SEC22A: variants seen among roughly 807,000 people sequenced by gnomAD.
SEC22A encodes vesicle-trafficking protein SEC22a.
SEC22A carries 22 observed loss-of-function variants against 35.3 expected under a neutral mutation model. That is an observed-to-expected ratio of 0.62 (90% CI 0.45 to 0.89). SEC22A has a LOEUF of 0.89. Ranked by LOEUF, SEC22A falls within the 40% of genes least tolerant of loss-of-function variation. The pLI is 0.00. For synonymous variants in SEC22A, 119 were observed against 129.5 expected (o/e 0.92, Z 0.55); for missense variants, 354 against 362.5 (o/e 0.98, Z 0.19).
chr3:123,264,876 A>C (rs991763234), intron 6 of SEC22A, among the ~76,000 whole-genome samples: 1 of 151,744 alleles, frequency 6.6e-6, no homozygotes, highest in African/African-American at 2.4e-5. Flanking sequence ...TGAACTCCTG[A>C]TCTCAGGTGA....
At chr3:123,249,934 CAA>C (rs1435438689) in intron 5 of SEC22A, among the ~76,000 whole-genome samples, 3 of 152,162 alleles carry the variant, frequency 2.0e-5, no homozygotes, top group Admixed American at 6.5e-5. Flanking sequence ...AATATGGAAA[CAA>C]GAGTCTCCTA....
At chr3:123,264,236 G>A (rs1220315088) in intron 6 of SEC22A, among the ~76,000 whole-genome samples, 1 of 152,214 alleles carries the variant, frequency 6.6e-6, no homozygotes, top group Non-Finnish European at 1.5e-5. Context: ...GGATATATGA[G>A]TTGTTTTAAA....
intron 6 of SEC22A, among the ~76,000 whole-genome samples, chr3:123,270,040 A>G (rs1053694801): frequency 1.3e-5 from 2 of 152,212 alleles, no homozygotes; most frequent in African/African-American, 2.4e-5. Flanking sequence ...AAAGGACCCT[A>G]GTGGGACAAT....
At position 123,230,770 on chromosome 3, in the gene SEC22A, G is replaced by T. The variant is rs557909420; in HGVS notation, c.541+5473G>T. Among the ~76,000 whole-genome samples, 14 of 144,812 alleles carry T rather than the reference G, an allele frequency of 9.7e-5. 1 individual carries two copies. In the South Asian group the frequency reaches 3.0e-3, roughly 32 times the overall value. ...AAGGCATGAGATGGATAAGAAAAAAGGGAAAAAATGGCAGATGTAAATCTA... is the reference window on the plus strand; with the variant it reads ...AAGGCATGAGATGGATAAGAAAAAATGGAAAAAATGGCAGATGTAAATCTA... On this transcript the variant is annotated intron_variant, in intron 4 of 6. Transcript: ENST00000492595.
rs765045277 is a variant in SEC22A, at chr3:123,225,206, T to A, written c.450T>A (p.Pro150=). The change falls in exon 4 of 7, where the codon CCT becomes CCA. Residue 150 remains proline, a synonymous_variant. Transcript: ENST00000492595. ...DMQTEIKLRP[P]YQISMCELGS... ...AGACGGAAATCAAGCTGAGGCCTCC[T>A]TATCAAATTTCCATGTGCGAACTGG... The A allele has an allele frequency of 6.2e-7, 1 of 1,613,560 alleles. No individual in the cohort carries two copies. The highest frequency in any genetic ancestry group is 1.1e-5 in the South Asian group (1 of 91,050).
chr3:123,230,692 C>T (rs1209954226), intron 4 of SEC22A, among the ~76,000 whole-genome samples: 1 of 100,236 alleles, frequency 1.0e-5, no homozygotes, highest in Non-Finnish European at 1.8e-5. Context: ...CAAATATTCA[C>T]TTCATGCAAA....
At chr3:123,221,372 G>A (rs1386324708) in intron 2 of SEC22A, among the ~76,000 whole-genome samples, 2 of 148,370 alleles carry the variant, frequency 1.3e-5, no homozygotes, top group East Asian at 4.0e-4. Flanking sequence ...TCAGGAGGCT[G>A]AGACAGGAGA....
intron 5 of SEC22A, among the ~76,000 whole-genome samples, chr3:123,248,493 AC>A (rs879777103): frequency 3.3e-5 from 5 of 152,018 alleles, no homozygotes; most frequent in Non-Finnish European, 5.9e-5. Context: ...GTGACACCAA[AC>A]AAAAAGAGAC....
rs576464892 is a variant in SEC22A at position 123,240,659 on chromosome 3, T to C, written c.542-5240T>C. Among the ~76,000 whole-genome samples the C allele has an allele frequency of 3.3e-5, 5 of 152,338 alleles. No homozygotes were observed. The East Asian group carries it at 7.7e-4, about 23-fold the overall frequency. ...GAGTAAATATTAGGAGTGGAATTGA[T>C]AGGTCAAAAGGTTGCCTGTTTAAGA... On this transcript the variant is annotated intron_variant, in intron 4 of 6. Coordinates refer to ENST00000492595, the MANE Select transcript of SEC22A (RefSeq NM_012430.5).
At chr3:123,253,988 CAAAA>C (rs1305528521) in intron 5 of SEC22A, among the ~76,000 whole-genome samples, 7 of 151,264 alleles carry the variant, frequency 4.6e-5, no homozygotes, top group South Asian at 2.1e-4. Context: ...ATAAAAATAA[CAAAA>C]AAGAGTTGGG....
intron 5 of SEC22A, among the ~76,000 whole-genome samples, chr3:123,257,127 A>G (rs1937750606): frequency 6.6e-6 from 1 of 152,188 alleles, no homozygotes; most frequent in Non-Finnish European, 1.5e-5. Flanking sequence ...ATAAATATTT[A>G]TTAAATGGAA....
chr3:123,217,346 C>T (rs1221663815), intron 2 of SEC22A, among the ~76,000 whole-genome samples: 7 of 151,986 alleles, frequency 4.6e-5, no homozygotes, highest in African/African-American at 9.6e-5. Flanking sequence ...TACAGGTGCC[C>T]GCCACCACAC....
At chr3:123,232,227 G>A (rs924513053) in intron 4 of SEC22A, among the ~76,000 whole-genome samples, 1 of 152,084 alleles carries the variant, frequency 6.6e-6, no homozygotes, top group Admixed American at 6.5e-5. Flanking sequence ...GTGATAGAGC[G>A]AGGCTCTGTC....
chr3:123,225,246 G>A lies in SEC22A; in HGVS notation c.490G>A (p.Val164Ile). 8.7e-6 allele frequency: 14 copies of A among 1,613,604 alleles called. No homozygotes were observed. Among genetic ancestry groups the A allele is most frequent in the Non-Finnish European group, 1.2e-5 (14 of 1,179,612 alleles). ...SMCELGSANG[V>I]TSAFSVDCKG... is the part of the protein sequence containing the mutation. ...GTGCGAACTGGGGTCAGCCAATGGA[G>A]TCACATCAGCATTTTCTGTTGACTG... is the stretch of plus-strand genomic sequence containing the variant. Residue 164 changes from valine (V) to isoleucine (I), a missense_variant, in exon 4 of 7, where the codon GTC (valine) becomes ATC (isoleucine). Coordinates refer to ENST00000492595, the MANE Select transcript of SEC22A (RefSeq NM_012430.5).
At chr3:123,228,614 A>G (rs1468494805) in intron 4 of SEC22A, among the ~76,000 whole-genome samples, 2 of 151,114 alleles carry the variant, frequency 1.3e-5, no homozygotes, top group Non-Finnish European at 3.0e-5. Flanking sequence ...TATGACCCAC[A>G]CACTGTGGGC....
intron 3 of SEC22A, 74 bp downstream of exon 3, chr3:123,223,796 G>T: frequency 1.9e-6 from 2 of 1,032,800 alleles, no homozygotes; most frequent in Non-Finnish European, 2.8e-6. Flanking sequence ...CTAATATTGG[G>T]TGGAGGGGGG....
At chr3:123,213,062 C>T (rs1936965549) in intron 2 of SEC22A, among the ~76,000 whole-genome samples, 2 of 152,194 alleles carry the variant, frequency 1.3e-5, no homozygotes, top group Admixed American at 1.3e-4. Flanking sequence ...TGGTCTAGTT[C>T]AAGAATACAA....
chr3:123,257,942 A>C (rs1937776131), intron 5 of SEC22A, among the ~76,000 whole-genome samples: 1 of 149,736 alleles, frequency 6.7e-6, no homozygotes, highest in African/African-American at 2.4e-5. Context: ...CAGTGAGCCA[A>C]GATTGTGCCA....
Position 123,273,881 on chromosome 3 carries a change from G to GTTAA in SEC22A, c.*2161_*2162insAATT, listed in dbSNP as rs10625337. ...TAAATAGGGAAGTTGGAGCATTCTG[G>GTTAA]TTGAGATTTTGCTCTGTATTGACAC... On this transcript the variant is annotated 3_prime_UTR_variant, in exon 7 of 7. Coordinates refer to ENST00000492595, the MANE Select transcript of SEC22A (RefSeq NM_012430.5). The GTTAA allele has an allele frequency of 0.99, 151,485 of 152,294 alleles. 75,348 individuals are homozygous for GTTAA. Among genetic ancestry groups the GTTAA allele is most frequent in the South Asian group, 1 (4,824 of 4,824 alleles). 9.4% of individuals were successfully genotyped at this position (152,294 alleles called of 1,614,324 possible).
Sources: allele counts gnomAD v4.1 joint callset (sites outside exome capture counted in the v4.1 genomes callset), GRCh38; gene constraint gnomAD v4.1.1; transcripts MANE v1.5; gene names NCBI Gene and HGNC (gene_info 2026-07-23, HGNC 2026-07-21).